CNTNAP5: variants seen among roughly 807,000 people sequenced by gnomAD.
CNTNAP5 encodes the protein contactin associated protein family member 5.
In CNTNAP5, 72 loss-of-function variants were observed where a neutral mutation model predicts 150.2. The ratio of observed to expected loss-of-function variants is 0.48; its 90% CI spans 0.40 to 0.58. The LOEUF (loss-of-function observed/expected upper bound fraction) is 0.58. Among genes scored for constraint, CNTNAP5 ranks in the 20% least tolerant of loss-of-function variants. CNTNAP5 has a pLI of 0.00. For synonymous variants in CNTNAP5, 672 were observed against 619.8 expected, an observed-to-expected ratio of 1.08 and a Z score of -1.25; for missense variants, 1,636 against 1,626.2, an observed-to-expected ratio of 1.01 and a Z score of -0.10.
chr2:124,122,986 G>A (rs574770268), intron 1 of CNTNAP5, among the ~76,000 whole-genome samples: 2 of 152,196 alleles, frequency 1.3e-5, no homozygotes, highest in East Asian at 1.9e-4. Context: ...GCAGTCTACA[G>A]CTCCCAGCGT....
intron 3 of CNTNAP5, among the ~76,000 whole-genome samples, chr2:124,278,465 G>A (rs1242664748): frequency 6.6e-6 from 1 of 152,070 alleles, no homozygotes; most frequent in Non-Finnish European, 1.5e-5. Context: ...ATCCCAGATG[G>A]CCCATCATGG....
At chr2:124,520,694 C>A in intron 8 of CNTNAP5, among the ~76,000 whole-genome samples, 1 of 152,160 alleles carries the variant, frequency 6.6e-6, no homozygotes, top group East Asian at 1.9e-4. Context: ...TATTGGCCCT[C>A]AATATCCTGC....
intron 3 of CNTNAP5, among the ~76,000 whole-genome samples, chr2:124,345,603 C>G (rs1383359362): frequency 6.6e-6 from 1 of 152,110 alleles, no homozygotes; most frequent in Non-Finnish European, 1.5e-5. Flanking sequence ...ATAACTCTTT[C>G]ATATGTCTGT....
intron 4 of CNTNAP5, among the ~76,000 whole-genome samples, chr2:124,428,703 A>G (rs1334532902): frequency 6.7e-6 from 1 of 149,920 alleles, no homozygotes; most frequent in South Asian, 2.1e-4. Flanking sequence ...TGGTTTTCCT[A>G]CTTTACAAAT....
intron 1 of CNTNAP5, among the ~76,000 whole-genome samples, chr2:124,191,331 G>T (rs917974811): frequency 6.6e-6 from 1 of 152,174 alleles, no homozygotes; most frequent in South Asian, 2.1e-4. Flanking sequence ...ATTTCAGGGT[G>T]TACTAACCCC....
chr2:124,533,128 C>T (rs1695147896), intron 10 of CNTNAP5, among the ~76,000 whole-genome samples: 1 of 151,900 alleles, frequency 6.6e-6, no homozygotes. Context: ...GGAAAGCACT[C>T]ATAAATTTAG....
At chr2:124,432,025 G>T (rs1199214782) in intron 4 of CNTNAP5, among the ~76,000 whole-genome samples, 1 of 152,168 alleles carries the variant, frequency 6.6e-6, no homozygotes, top group Non-Finnish European at 1.5e-5. Context: ...CTCAGTGCTG[G>T]TGCTGGCTGG....
intron 14 of CNTNAP5, among the ~76,000 whole-genome samples, chr2:124,752,752 G>A (rs898447898): frequency 4.6e-5 from 7 of 152,180 alleles, no homozygotes; most frequent in African/African-American, 1.4e-4. Flanking sequence ...TTCTGAACCA[G>A]CTACTTTATA....
At chr2:124,213,065 C>T (rs1441969647) in intron 1 of CNTNAP5, among the ~76,000 whole-genome samples, 1 of 151,880 alleles carries the variant, frequency 6.6e-6, no homozygotes, top group African/African-American at 2.4e-5. Context: ...GTCTCGATCT[C>T]CCAACCTCGT....
At chr2:124,368,337 A>T (rs1690428232) in intron 3 of CNTNAP5, among the ~76,000 whole-genome samples, 1 of 152,166 alleles carries the variant, frequency 6.6e-6, no homozygotes, top group South Asian at 2.1e-4. Context: ...AACTTCTGTA[A>T]TACGCAGCGT....
intron 13 of CNTNAP5, among the ~76,000 whole-genome samples, chr2:124,716,340 A>T (rs985226855): frequency 6.6e-6 from 1 of 152,102 alleles, no homozygotes; most frequent in African/African-American, 2.4e-5. Context: ...CCATCAACAT[A>T]TATCGTTATC....
intron 13 of CNTNAP5, among the ~76,000 whole-genome samples, chr2:124,703,527 CA>C: frequency 6.6e-6 from 1 of 152,124 alleles, no homozygotes; most frequent in South Asian, 2.1e-4. Context: ...TTTTTATGTT[CA>C]AACACCTAGA....
At chr2:124,403,466 C>T (rs1036223790) in intron 3 of CNTNAP5, among the ~76,000 whole-genome samples, 3 of 152,064 alleles carry the variant, frequency 2.0e-5, no homozygotes, top group Non-Finnish European at 4.4e-5. Context: ...TTTCTTTGTT[C>T]ATTCATTCAC....
At chr2:124,259,609 T>C (rs1687402003) in intron 3 of CNTNAP5, among the ~76,000 whole-genome samples, 1 of 152,182 alleles carries the variant, frequency 6.6e-6, no homozygotes, top group South Asian at 2.1e-4. Flanking sequence ...TGATGGCCAG[T>C]GATGATGAGC....
intron 1 of CNTNAP5, among the ~76,000 whole-genome samples, chr2:124,124,637 G>C (rs188347756): frequency 6.6e-6 from 1 of 152,014 alleles, no homozygotes; most frequent in Non-Finnish European, 1.5e-5. Flanking sequence ...TGAAATGAAG[G>C]AAAAAATCTT....
intron 13 of CNTNAP5, among the ~76,000 whole-genome samples, chr2:124,651,222 G>A (rs895846522): frequency 1.3e-5 from 2 of 152,208 alleles, no homozygotes; most frequent in African/African-American, 4.8e-5. Flanking sequence ...CTAACTAGTA[G>A]CCAGGGTGAG....
intron 16 of CNTNAP5, among the ~76,000 whole-genome samples, chr2:124,772,237 G>A (rs955651127): frequency 6.6e-6 from 1 of 152,178 alleles, no homozygotes; most frequent in African/African-American, 2.4e-5. Flanking sequence ...AAGAATAATG[G>A]AAGGAGTCCC....
chr2:124,905,135 T>TG (rs1490361493), intron 22 of CNTNAP5, among the ~76,000 whole-genome samples: 12 of 147,994 alleles, frequency 8.1e-5, no homozygotes, highest in Admixed American at 2.0e-4. Flanking sequence ...TGTTTTTTTT[T>TG]TTTTCCACAA....
intron 11 of CNTNAP5, among the ~76,000 whole-genome samples, chr2:124,588,220 C>CTT (rs1304819048): frequency 1.7e-5 from 2 of 117,496 alleles, no homozygotes; most frequent in Non-Finnish European, 3.7e-5. Flanking sequence ...TTCTTTCTTT[C>CTT]TTTCTTTCTT....
Sources: allele counts gnomAD v4.1 joint callset (sites outside exome capture counted in the v4.1 genomes callset), GRCh38; gene constraint gnomAD v4.1.1; transcripts MANE v1.5; gene names NCBI Gene and HGNC (gene_info 2026-07-23, HGNC 2026-07-21).